The following WNT2 variants were observed in gnomAD, a reference collection of about 807,000 sequenced individuals.
WNT2 encodes the protein protein Wnt-2.
WNT2 carries 12 observed loss-of-function variants against 36.9 expected under a neutral mutation model. The observed-to-expected ratio is 0.33, with a 90% CI of 0.21 to 0.53. The LOEUF is 0.53. WNT2 is among the 20% of genes least tolerant of loss of function. The pLI, the probability that WNT2 is intolerant of heterozygous loss-of-function variation, is 0.95. For missense variants in WNT2, 379 were observed against 473.1 expected, an observed-to-expected ratio of 0.80 and a Z score of 1.84; for synonymous variants, 163 against 174.6, an observed-to-expected ratio of 0.93 and a Z score of 0.52.
intron 3 of WNT2, among the ~76,000 whole-genome samples, chr7:117,312,398 G>A (rs527527976): frequency 6.6e-6 from 1 of 152,272 alleles, no homozygotes; most frequent in African/African-American, 2.4e-5. Context: ...TGCCCAGGCT[G>A]GAAGAGTGGA....
chr7:117,307,004 C>T (rs1795026809), intron 3 of WNT2, among the ~76,000 whole-genome samples: 1 of 151,838 alleles, frequency 6.6e-6, no homozygotes, highest in South Asian at 2.1e-4. Flanking sequence ...CATTTTAAGC[C>T]TTTGACCTGC....
At chr7:117,281,325 C>T (rs1157801984) in intron 4 of WNT2, among the ~76,000 whole-genome samples, 1 of 152,150 alleles carries the variant, frequency 6.6e-6, no homozygotes, top group Non-Finnish European at 1.5e-5. Context: ...AGAGCCTCGA[C>T]CTCCTGGGCT....
intron 3 of WNT2, among the ~76,000 whole-genome samples, chr7:117,306,043 C>G (rs925958947): frequency 2.6e-5 from 4 of 152,236 alleles, no homozygotes; most frequent in Non-Finnish European, 4.4e-5. Flanking sequence ...TTCTTCCCTC[C>G]CATGTTGGCA....
chr7:117,284,974 C>T lies in WNT2; in HGVS notation c.854-6590G>A, dbSNP rs1257704103. 3.3e-5 allele frequency among the ~76,000 whole-genome samples: 5 copies of T among 152,198 alleles called. No individual in the cohort carries two copies. Among genetic ancestry groups the T allele is most frequent in the South Asian group, 2.1e-4 (1 of 4,828 alleles). On this transcript the variant is annotated intron_variant, in intron 4 of 4. Transcript: ENST00000265441. The surrounding 1 kb of genome is among the most constrained non-coding windows in gnomAD (Gnocchi z 5.2). The stretch of plus-strand genomic sequence containing the variant: ...CAGTCGTGACATTCTGACCCTTTGC[C>T]GAGTGCCCAGTCCTGGTGCCCGGCC...
chr7:117,313,842 G>A (rs1795166537), intron 3 of WNT2, among the ~76,000 whole-genome samples: 1 of 152,138 alleles, frequency 6.6e-6, no homozygotes, highest in Non-Finnish European at 1.5e-5. Flanking sequence ...ATAAATTCAT[G>A]AAAATTAGGA....
chr7:117,316,782 T>G (rs1795228267), intron 2 of WNT2, among the ~76,000 whole-genome samples: 1 of 152,210 alleles, frequency 6.6e-6, no homozygotes, highest in Admixed American at 6.5e-5. Context: ...ATTATATGAC[T>G]ATTCGCCATA....
intron 3 of WNT2, among the ~76,000 whole-genome samples, 198 bp from the exon 4 acceptor site, chr7:117,298,074 T>TG (rs1794828627): frequency 6.6e-6 from 1 of 152,014 alleles, no homozygotes; most frequent in Non-Finnish European, 1.5e-5. Context: ...GCAGGGGCAG[T>TG]GGGTGGAGAG....
intron 3 of WNT2, among the ~76,000 whole-genome samples, chr7:117,311,160 T>C (rs1175807232): frequency 6.6e-6 from 1 of 152,212 alleles, no homozygotes; most frequent in Non-Finnish European, 1.5e-5. Context: ...TTGGGTGTGC[T>C]CACGATGACT....
Position 117,297,751 on chromosome 7 carries a change from G to A in WNT2, c.714C>T (p.Tyr238=), listed in dbSNP as rs557691221. ...TCATGACCACCTGGATGGCCCCATT[G>A]TACTTCCTCCAGAGATAATCGCCCG... ...RKTGDYLWRK[Y]NGAIQVVMNQ... is the part of the protein sequence containing the mutation. Residue 238 remains tyrosine, a synonymous_variant, in exon 4 of 5, where the codon TAC becomes TAT. Transcript: ENST00000265441. 6.2e-7 allele frequency: 1 copy of A among 1,614,126 alleles called. No homozygotes were observed. Among genetic ancestry groups the A allele is most frequent in the African/African-American group, 1.3e-5 (1 of 75,022 alleles).
In WNT2 at chr7:117,306,086, T is replaced by C. The variant is rs1179128355; in HGVS notation, c.589-8210A>G. 2.0e-5 allele frequency among the ~76,000 whole-genome samples: 3 copies of C among 152,376 alleles called. No individual in the cohort carries two copies. In the East Asian group the frequency reaches 5.8e-4, roughly 29 times the overall value. On this transcript the variant is annotated intron_variant, in intron 3 of 4. Coordinates refer to ENST00000265441, the MANE Select transcript of WNT2 (RefSeq NM_003391.3). ...CATTTGCTTTTATTCTTCTAGACTG[T>C]GGCTTCTCCATCCTTCTTTGTGAGC...
intron 3 of WNT2, among the ~76,000 whole-genome samples, chr7:117,310,381 A>G (rs1374700033): frequency 6.6e-6 from 1 of 151,852 alleles, no homozygotes; most frequent in Non-Finnish European, 1.5e-5. Context: ...CCTGGGCAAC[A>G]TGGCGAAACC....
At chr7:117,298,504 TAACTTGGGGAGATTC>T (rs1363665537) in intron 3 of WNT2, among the ~76,000 whole-genome samples, 4 of 152,102 alleles carry the variant, frequency 2.6e-5, no homozygotes, top group South Asian at 4.2e-4. Context: ...AGGCTGACAG[TAACTTGGGGAGATTC>T]AGCTTAGATG....
Position 117,286,937 on chromosome 7 carries a change from A to G in WNT2, c.854-8553T>C, listed in dbSNP as rs552706779. Among the ~76,000 whole-genome samples, 12 of 152,338 alleles carry G rather than the reference A, an allele frequency of 7.9e-5. No homozygotes were observed. In the South Asian group the frequency reaches 2.5e-3, roughly 32 times the overall value. On this transcript the variant is annotated intron_variant, in intron 4 of 4. Coordinates refer to ENST00000265441, the MANE Select transcript of WNT2 (RefSeq NM_003391.3). The stretch of plus-strand genomic sequence containing the variant: ...AGGCTTTCCATATCTGGCACTACAT[A>G]GCCTACTCAAAGCTATTTCCCACTG...
Position 117,315,057 on chromosome 7 carries a change from T to C in WNT2, c.588+14A>G. 1.2e-6 allele frequency: 2 copies of C among 1,612,968 alleles called. No homozygotes were observed. The highest frequency in any genetic ancestry group is 1.7e-5 in the Admixed American group (1 of 59,952). On this transcript the variant is annotated intron_variant, in intron 3 of 4. Coordinates refer to ENST00000265441, the MANE Select transcript of WNT2 (RefSeq NM_003391.3). ...CATGCAGCCTACAAAATGAGCACCG[T>C]TGCATTTCCATACCTTCCTGCCAGC... is the stretch of plus-strand genomic sequence containing the variant.
At chr7:117,290,671 G>T (rs146778320) in intron 4 of WNT2, among the ~76,000 whole-genome samples, 199 of 152,330 alleles carry the variant, frequency 1.3e-3, no homozygotes, top group African/African-American at 4.3e-3. Flanking sequence ...ATGCAACAAG[G>T]ACTGAAACCT....
intron 3 of WNT2, among the ~76,000 whole-genome samples, chr7:117,298,204 A>C (rs1794831520): frequency 6.6e-6 from 1 of 152,250 alleles, no homozygotes; most frequent in African/African-American, 2.4e-5. Flanking sequence ...CTAAATAAAT[A>C]GAGCTTTATT....
In WNT2 at chr7:117,322,832, A is replaced by C. The variant is rs887995911; in HGVS notation, c.83+75T>G. The C allele has an allele frequency of 2.0e-6, 3 of 1,486,676 alleles. No homozygotes were observed. The highest frequency in any genetic ancestry group is 1.7e-5 in the Admixed American group (1 of 59,624). The allele number at this position is 1,486,676 out of a possible 1,614,324, so 92.1% of individuals were successfully genotyped here. ...GCTGCGGCCGCGGGGGAACGCAGCC[A>C]GGAAGGGTCTATGTGGCCAATGCGG... On this transcript the variant is annotated intron_variant, in intron 1 of 4. Coordinates refer to ENST00000265441, the MANE Select transcript of WNT2 (RefSeq NM_003391.3). The surrounding 1 kb of genome is among the most constrained non-coding windows in gnomAD (Gnocchi z 5.4).
At chr7:117,313,593 G>C (rs1795162276) in intron 3 of WNT2, among the ~76,000 whole-genome samples, 1 of 152,056 alleles carries the variant, frequency 6.6e-6, no homozygotes, top group Non-Finnish European at 1.5e-5. Flanking sequence ...TGTTCTTTTG[G>C]ATACAATATC....
intron 2 of WNT2, among the ~76,000 whole-genome samples, chr7:117,316,711 C>A (rs961251186): frequency 1.3e-5 from 2 of 152,124 alleles, no homozygotes; most frequent in Non-Finnish European, 2.9e-5. Context: ...AAAATATTTA[C>A]CCCCCAAACC....
Sources: allele counts gnomAD v4.1 joint callset (sites outside exome capture counted in the v4.1 genomes callset), GRCh38; gene constraint gnomAD v4.1.1; non-coding constraint Gnocchi (gnomAD v3.1); transcripts MANE v1.5; gene names NCBI Gene and HGNC (gene_info 2026-07-23, HGNC 2026-07-21).